Variants in FKTN observed in about 807,000 individuals in gnomAD.
FKTN encodes the protein fukutin, also known as ribitol-5-phosphate transferase FKTN.
Under a neutral mutation model 58.6 loss-of-function variants are expected in FKTN, and 47 were observed. The ratio of observed to expected loss-of-function variants is 0.80; its 90% CI spans 0.63 to 1.02. FKTN has a LOEUF of 1.02. FKTN is among the 50% of genes least tolerant of loss of function. The probability of loss-of-function intolerance (pLI) is 0.00; values close to 1 mark genes in which losing one functional copy is unlikely to be tolerated. For synonymous variants in FKTN, 178 were observed against 191.9 expected (o/e 0.93, Z 0.60); for missense variants, 516 against 537.3 (o/e 0.96, Z 0.39).
Position 105,617,961 on chromosome 9 carries a change from TGG to T in FKTN, c.914_915del (p.Trp305LeufsTer10). 6.4e-7 allele frequency: 1 copy of T among 1,574,768 alleles called. No individual in the cohort carries two copies. The highest frequency in any genetic ancestry group is 1.1e-5 in the South Asian group (1 of 88,752). On this transcript the variant is annotated frameshift_variant, in exon 9 of 11. Transcript: ENST00000357998. LOFTEE classifies it high-confidence loss of function. ...AAAAAATTTAATCTTCTTTTTAGGATGGTATCGACAATGCAACATTATTCCTT... is the reference window on the plus strand; with the variant it reads ...AAAAAATTTAATCTTCTTTTTAGGATTATCGACAATGCAACATTATTCCTT... ...FWLSSGTCLG[W>X]YRQCNIIPYS... is the part of the protein sequence containing the mutation.
chr9:105,563,539 G>C (rs887087180), intron 1 of FKTN, among the ~76,000 whole-genome samples: 1 of 152,144 alleles, frequency 6.6e-6, no homozygotes, highest in African/African-American at 2.4e-5. Context: ...TATGCCCACG[G>C]AGCCTCACTC....
At chr9:105,634,975 A>G in intron 10 of FKTN, 76 bp from the exon 11 acceptor site, 1 of 1,163,484 alleles carries the variant, frequency 8.6e-7, no homozygotes, top group Non-Finnish European at 1.3e-6. Context: ...CCTTCAGCCA[A>G]TAATGCACTA....
intron 3 of FKTN, among the ~76,000 whole-genome samples, chr9:105,579,363 G>A (rs763974682): frequency 5.3e-5 from 8 of 151,954 alleles, no homozygotes; most frequent in African/African-American, 1.5e-4. Context: ...CTGGTATGTC[G>A]TGTCTTTGTT....
chr9:105,559,267 G>C (rs1214905407), intron 1 of FKTN, among the ~76,000 whole-genome samples: 1 of 152,178 alleles, frequency 6.6e-6, no homozygotes, highest in African/African-American at 2.4e-5. Context: ...TTCTCCATAA[G>C]GTGATGTTGG....
At chr9:105,581,151 C>T (rs1295744808) in intron 3 of FKTN, among the ~76,000 whole-genome samples, 1 of 149,610 alleles carries the variant, frequency 6.7e-6, no homozygotes, top group African/African-American at 2.5e-5. Flanking sequence ...TCGTCTGAAG[C>T]CTTCTTCTCT....
chr9:105,601,217 C>G lies in FKTN; in HGVS notation c.238C>G (p.Leu80Val), dbSNP rs1404872177. 6.2e-7 allele frequency: 1 copy of G among 1,608,588 alleles called. No individual in the cohort carries two copies. Among genetic ancestry groups the G allele is most frequent in the African/African-American group, 1.3e-5 (1 of 74,792 alleles). Reference sequence around the variant, plus strand: ...AGTGTTTCTTATTGATCCTTTGATACTGGAATTGATTAATAAGAACTTTGA... The same window carrying G: ...AGTGTTTCTTATTGATCCTTTGATAGTGGAATTGATTAATAAGAACTTTGA... ...VPVFLIDPLI[L>V]ELINKNFEQV... is the part of the protein sequence containing the mutation. Residue 80 changes from leucine (L) to valine (V), a missense_variant, in exon 5 of 11, where the codon CTG becomes GTG. By Grantham distance (32) the Leu-to-Val change is conservative (BLOSUM62 1). Transcript: ENST00000357998.
chr9:105,632,161 CG>C (rs1833536407), intron 10 of FKTN, among the ~76,000 whole-genome samples: 1 of 151,734 alleles, frequency 6.6e-6, no homozygotes, highest in South Asian at 2.1e-4. Flanking sequence ...AGTAAACTAT[CG>C]CAAGAACAAA....
In FKTN at chr9:105,639,810, T is replaced by C. The variant is rs1834300985; in HGVS notation, c.*4546T>C. On this transcript the variant is annotated 3_prime_UTR_variant, in exon 11 of 11. Coordinates refer to ENST00000357998, the MANE Select transcript of FKTN (RefSeq NM_001079802.2). Reference sequence around the variant, plus strand: ...GCAGTTGTCTCCTAATATTATCCCATATGCTACCTAGTTTGCTGGTCCCAA... The same window carrying C: ...GCAGTTGTCTCCTAATATTATCCCACATGCTACCTAGTTTGCTGGTCCCAA... 1 of 1,222,782 alleles carries C rather than the reference T, an allele frequency of 8.2e-7. No individual in the cohort carries two copies. Among genetic ancestry groups the C allele is most frequent in the South Asian group, 2.8e-5 (1 of 36,338 alleles). The allele number at this position is 1,222,782 out of a possible 1,614,324, so 75.7% of individuals were successfully genotyped here.
In FKTN at chr9:105,638,771, ACT is replaced by A; in HGVS notation, c.*3512_*3513del. On this transcript the variant is annotated 3_prime_UTR_variant, in exon 11 of 11. Transcript: ENST00000357998. ...ACTACTTTTAATTATTTATATTGAT[ACT>A]CTCTGATAAATGCAGGTAGTTAAGA... is the stretch of plus-strand genomic sequence containing the variant. The A allele has an allele frequency of 5.1e-6, 5 of 975,404 alleles. No individual in the cohort carries two copies. The highest frequency in any genetic ancestry group is 6.1e-6 in the Non-Finnish European group (5 of 821,016). 60.4% of individuals were successfully genotyped at this position (975,404 alleles called of 1,614,324 possible).
intron 3 of FKTN, among the ~76,000 whole-genome samples, chr9:105,590,484 A>T (rs1433951055): frequency 6.6e-6 from 1 of 152,226 alleles, no homozygotes; most frequent in African/African-American, 2.4e-5. Flanking sequence ...CTAGTAATTT[A>T]CACAAGAGAT....
At chr9:105,565,555 C>T (rs7041290) in intron 1 of FKTN, among the ~76,000 whole-genome samples, 17,220 of 151,634 alleles carry the variant, frequency 0.11, 1,379 homozygotes, top group African/African-American at 0.23. Context: ...ACAAAGAAGG[C>T]CATTACATAA....
chr9:105,630,604 T>C (rs1393297654), intron 10 of FKTN, among the ~76,000 whole-genome samples: 1 of 152,072 alleles, frequency 6.6e-6, no homozygotes, highest in East Asian at 1.9e-4. Flanking sequence ...AAAGTGGACA[T>C]GAACAATACC....
At chr9:105,609,313 A>G (rs1781347266) in intron 7 of FKTN, among the ~76,000 whole-genome samples, 1 of 152,202 alleles carries the variant, frequency 6.6e-6, no homozygotes. Context: ...AATTTTAAAT[A>G]CATAAAAGCT....
intron 1 of FKTN, among the ~76,000 whole-genome samples, chr9:105,570,469 A>C (rs1840548526): frequency 6.6e-6 from 1 of 152,188 alleles, no homozygotes; most frequent in South Asian, 2.1e-4. Flanking sequence ...TCTCTGATAG[A>C]GTCCATCATA....
chr9:105,623,964 T>A (rs1346538532), intron 10 of FKTN, among the ~76,000 whole-genome samples: 3 of 152,184 alleles, frequency 2.0e-5, no homozygotes, highest in African/African-American at 7.2e-5. Flanking sequence ...ATTAGTTTAT[T>A]TCTATTTTTT....
intron 2 of FKTN, chr9:105,574,203 G>A (rs992237104): frequency 3.3e-5 from 5 of 152,078 alleles, no homozygotes; most frequent in African/African-American, 9.6e-5. Flanking sequence ...TATAGCTGGA[G>A]AACAAAAGAC....
chr9:105,630,381 A>ATC lies in FKTN; in HGVS notation c.1173-4668_1173-4667dup, dbSNP rs1387324953. 1.2e-4 allele frequency among the ~76,000 whole-genome samples: 18 copies of ATC among 152,258 alleles called. 1 individual carries two copies. In the East Asian group the frequency reaches 3.5e-3, roughly 29 times the overall value. ...TAAATACCAAAATCAACTCAAAAAG[A>ATC]TCTAGATAACCTATATTCATTCGAG... On this transcript the variant is annotated intron_variant, in intron 10 of 10. Coordinates refer to ENST00000357998, the MANE Select transcript of FKTN (RefSeq NM_001079802.2).
In FKTN at chr9:105,569,253, T is replaced by C. The variant is rs146268905; in HGVS notation, c.-180-4402T>C. 9.1e-3 allele frequency among the ~76,000 whole-genome samples: 1,378 copies of C among 152,104 alleles called. 22 individuals are homozygous for C. The highest frequency in any genetic ancestry group is 0.032 in the African/African-American group (1,320 of 41,488). On this transcript the variant is annotated intron_variant, in intron 1 of 10. Transcript: ENST00000357998. ...TGTATACATATGTAACAAACCTGCA[T>C]GTTGTGCACATGTACCCTAGAGCTT...
Position 105,636,445 on chromosome 9 carries a change from C to T in FKTN, c.*1181C>T, listed in dbSNP as rs147353336. 4.6e-5 allele frequency: 46 copies of T among 989,704 alleles called. No individual in the cohort carries two copies. The highest frequency in any genetic ancestry group is 5.5e-5 in the Non-Finnish European group (46 of 832,342). 61.3% of individuals were successfully genotyped at this position (989,704 alleles called of 1,614,324 possible). A position where few individuals can be genotyped will look rare whatever the true frequency, so the allele number is the denominator to read the frequency against. ...AGTTTGTAAAGTTTGTGTCCCTCCC[C>T]AGTTTTTCAGTCTGTTGAATGTCGA... On this transcript the variant is annotated 3_prime_UTR_variant, in exon 11 of 11. Coordinates refer to ENST00000357998, the MANE Select transcript of FKTN (RefSeq NM_001079802.2).
Sources: gnomAD v4.1 joint callset for allele counts (sites outside exome capture counted in the v4.1 genomes callset) on GRCh38, gnomAD v4.1.1 for gene constraint, MANE v1.5 for transcripts, NCBI Gene and HGNC (gene_info 2026-07-23, HGNC 2026-07-21) for gene names.